The following PSMD3 variants were observed in gnomAD, a reference collection of about 807,000 sequenced individuals.
The protein encoded by PSMD3 is proteasome 26S subunit, non-ATPase 3.
A neutral mutation model predicts 62.8 loss-of-function variants in PSMD3; 5 were observed. The observed-to-expected ratio is 0.08, with a 90% CI of 0.04 to 0.17. The LOEUF (loss-of-function observed/expected upper bound fraction) is 0.17, where lower values mean the gene tolerates loss of function less well. Ranked by LOEUF, PSMD3 falls within the 10% of genes least tolerant of loss-of-function variation. The pLI, the probability that PSMD3 is intolerant of heterozygous loss-of-function variation, is 1.00. For synonymous variants in PSMD3, 265 were observed against 283.9 expected, an observed-to-expected ratio of 0.93 and a Z score of 0.67; for missense variants, 524 against 713.6, an observed-to-expected ratio of 0.73 and a Z score of 3.03.
At position 39,981,662 on chromosome 17, in the gene PSMD3, A is replaced by C. The variant is rs147670185; in HGVS notation, c.220+472A>C. Among the ~76,000 whole-genome samples the C allele has an allele frequency of 1.4e-3, 217 of 151,902 alleles. 6 individuals carry two copies. In the East Asian group the frequency reaches 0.036, roughly 25 times the overall value. On this transcript the variant is annotated intron_variant, in intron 1 of 11. Coordinates refer to ENST00000264639, the MANE Select transcript of PSMD3 (RefSeq NM_002809.4). ...TTGTTGTCCTAGCTGCCTTTAGCAC[A>C]CTCCCCCGAATGAACCATTTCGACC...
intron 6 of PSMD3, chr17:39,994,600 C>G (rs1358711949): frequency 6.5e-6 from 2 of 308,694 alleles, no homozygotes; most frequent in Non-Finnish European, 1.3e-5. Context: ...GTTCTCCAGG[C>G]CTGTGAGCCC....
At position 39,996,304 on chromosome 17, in the gene PSMD3, C is replaced by T. The variant is rs1288367345; in HGVS notation, c.1442C>T (p.Ser481Phe). Residue 481 changes from serine to phenylalanine, a missense_variant, in exon 10 of 12, where the codon TCC becomes TTC. Transcript: ENST00000264639. The surrounding 1 kb of genome is among the most constrained non-coding windows in gnomAD (Gnocchi z 5.1). The stretch of plus-strand genomic sequence containing the variant: ...CAGCTAGCCTTCCACCAGCGCATCT[C>T]CTTCTGCCTAGATATCCACAACATG... Reference protein sequence around the residue: ...EPQLAFHQRISFCLDIHNMSV... With the variant: ...EPQLAFHQRIFFCLDIHNMSV... The T allele has an allele frequency of 2.5e-6, 4 of 1,614,072 alleles. No homozygotes were observed. In the East Asian group the frequency reaches 6.7e-5, roughly 27 times the overall value.
At chr17:39,986,033 G>T (rs1980517874) in intron 2 of PSMD3, among the ~76,000 whole-genome samples, 2 of 152,144 alleles carry the variant, frequency 1.3e-5, no homozygotes, top group African/African-American at 4.8e-5. Context: ...GTTGTGTAAA[G>T]AAATTTTTTG....
At chr17:39,985,774 CATT>C (rs1261664389) in intron 2 of PSMD3, among the ~76,000 whole-genome samples, 7 of 152,232 alleles carry the variant, frequency 4.6e-5, no homozygotes, top group African/African-American at 1.7e-4. Context: ...GACTGTAACA[CATT>C]ATTTTTTCCA....
At chr17:39,985,238 CAAAAA>C (rs1336419665) in intron 2 of PSMD3, among the ~76,000 whole-genome samples, 1 of 151,802 alleles carries the variant, frequency 6.6e-6, no homozygotes, top group Non-Finnish European at 1.5e-5. Context: ...CAAAACAAAA[CAAAAA>C]AAACCCCACA....
intron 6 of PSMD3, chr17:39,993,623 A>G (rs1458647752): frequency 1.3e-5 from 2 of 152,152 alleles, no homozygotes; most frequent in African/African-American, 2.4e-5. Context: ...GTTCCTTCAT[A>G]TTGCCAGTGC....
intron 2 of PSMD3, 68 bp from the exon 3 acceptor site, chr17:39,986,507 A>T (rs1980527664): frequency 1.9e-6 from 3 of 1,563,152 alleles, no homozygotes; most frequent in Non-Finnish European, 2.6e-6. Context: ...TACATAGTGG[A>T]TGCTCAATAA....
At chr17:39,985,910 C>T (rs577287183) in intron 2 of PSMD3, among the ~76,000 whole-genome samples, 21 of 152,280 alleles carry the variant, frequency 1.4e-4, no homozygotes, top group African/African-American at 3.9e-4. Context: ...AGAATTATTT[C>T]GTTCAGCCCT....
chr17:39,982,204 T>C (rs993716950), intron 1 of PSMD3, among the ~76,000 whole-genome samples: 4 of 152,216 alleles, frequency 2.6e-5, no homozygotes, highest in Non-Finnish European at 5.9e-5. Flanking sequence ...AGCAACAGGA[T>C]CGATATTTAA....
chr17:39,991,328 G>C (rs1039968820), intron 6 of PSMD3, among the ~76,000 whole-genome samples: 1 of 152,000 alleles, frequency 6.6e-6, no homozygotes, highest in African/African-American at 2.4e-5. Flanking sequence ...CTAATTTTTT[G>C]TATTTTTAGT....
Position 39,996,106 on chromosome 17 carries a change from G to C in PSMD3, c.1321-77G>C. The C allele has an allele frequency of 6.4e-7, 1 of 1,557,612 alleles. No individual in the cohort carries two copies. Among genetic ancestry groups the C allele is most frequent in the South Asian group, 1.1e-5 (1 of 89,398 alleles). On this transcript the variant is annotated intron_variant, in intron 9 of 11. Coordinates refer to ENST00000264639, the MANE Select transcript of PSMD3 (RefSeq NM_002809.4). The surrounding 1 kb of genome is among the most constrained non-coding windows in gnomAD (Gnocchi z 5.1). The stretch of plus-strand genomic sequence containing the variant: ...CGCACTCTCCTGCCTGGGTGACAGA[G>C]CGAGACTCCATCTCAAAAAAAAAAA...
At chr17:39,984,266 C>A in intron 1 of PSMD3, 28 bp from the exon 2 acceptor site, 1 of 1,530,498 alleles carries the variant, frequency 6.5e-7, no homozygotes, top group Non-Finnish European at 8.9e-7. Flanking sequence ...GTGAAAGTGA[C>A]ATCATTTTCT....
Position 39,997,700 on chromosome 17 carries a change from G to A in PSMD3, c.*119G>A, listed in dbSNP as rs1169121006. ...ACAGCTCATATGCTGCATTCGTGCA[G>A]GGGGTGGGGGTGCTGGGAGCCAGCC... is the stretch of plus-strand genomic sequence containing the variant. On this transcript the variant is annotated 3_prime_UTR_variant, in exon 12 of 12. Coordinates refer to ENST00000264639, the MANE Select transcript of PSMD3 (RefSeq NM_002809.4). 1 of 1,205,920 alleles carries A rather than the reference G, an allele frequency of 8.3e-7. No individual in the cohort carries two copies. Among genetic ancestry groups the A allele is most frequent in the Middle Eastern group, 2.7e-4 (1 of 3,664 alleles). 74.7% of individuals were successfully genotyped at this position (1,205,920 alleles called of 1,614,324 possible).
Position 39,996,074 on chromosome 17 carries a change from G to A in PSMD3, c.1321-109G>A, listed in dbSNP as rs1980775582. The A allele has an allele frequency of 5.9e-6, 8 of 1,353,356 alleles. No individual in the cohort carries two copies. The Admixed American group carries it at 1.1e-4, about 18-fold the overall frequency. 83.8% of individuals were successfully genotyped at this position (1,353,356 alleles called of 1,614,324 possible). A position where few individuals can be genotyped will look rare whatever the true frequency, so the allele number is the denominator to read the frequency against. Reference sequence around the variant, plus strand: ...GTAAAGGTTGCAGTGAGCTGAGATCGCACCACCGCACTCTCCTGCCTGGGT... The same window carrying A: ...GTAAAGGTTGCAGTGAGCTGAGATCACACCACCGCACTCTCCTGCCTGGGT... On this transcript the variant is annotated intron_variant, in intron 9 of 11. Transcript: ENST00000264639. This position sits in a 1 kb window ranked among gnomAD's most constrained non-coding sequence, Gnocchi z 5.1.
chr17:39,994,846 C>A, intron 6 of PSMD3, 108 bp from the exon 7 acceptor site: 1 of 912,546 alleles, frequency 1.1e-6, no homozygotes, highest in Non-Finnish European at 1.7e-6. Context: ...AAACAGTGAT[C>A]CCTTTCCCTG....
chr17:39,996,413 G>A lies in PSMD3; in HGVS notation c.1476+75G>A. On this transcript the variant is annotated intron_variant, in intron 10 of 11. Transcript: ENST00000264639. This position sits in a 1 kb window ranked among gnomAD's most constrained non-coding sequence, Gnocchi z 5.1. The stretch of plus-strand genomic sequence containing the variant: ...CCTCCACACTCATGGATTCCTCAGA[G>A]AAGACTGGCTTAATTTGTGGCCCAC... The A allele has an allele frequency of 6.5e-7, 1 of 1,539,942 alleles. No individual in the cohort carries two copies. The highest frequency in any genetic ancestry group is 8.8e-7 in the Non-Finnish European group (1 of 1,132,326).
At chr17:39,981,270 A>G in intron 1 of PSMD3, 80 bp downstream of exon 1, 1 of 1,536,228 alleles carries the variant, frequency 6.5e-7, no homozygotes, top group Non-Finnish European at 8.7e-7. Context: ...CTGGGAAGCC[A>G]CAGCAGCCTC....
intron 1 of PSMD3, among the ~76,000 whole-genome samples, chr17:39,983,785 T>C (rs1028183822): frequency 2.0e-5 from 3 of 152,214 alleles, no homozygotes; most frequent in Non-Finnish European, 2.9e-5. Flanking sequence ...CCCCACTGTA[T>C]GTTTTTCTTG....
In PSMD3 at chr17:39,996,163, T is replaced by G. The variant is rs749901414; in HGVS notation, c.1321-20T>G. 6.8e-6 allele frequency: 11 copies of G among 1,612,494 alleles called. No individual in the cohort carries two copies. The highest frequency in any genetic ancestry group is 9.3e-6 in the Non-Finnish European group (11 of 1,179,756). On this transcript the variant is annotated intron_variant, in intron 9 of 11. Transcript: ENST00000264639. The surrounding 1 kb of genome is among the most constrained non-coding windows in gnomAD (Gnocchi z 5.1). The stretch of plus-strand genomic sequence containing the variant: ...AGAAGCTGGGTGTGCTGGTGAACTT[T>G]CCTCTTTGGGGGCCTGCAGGCCATC...
Sources: gnomAD v4.1 joint callset for allele counts (sites outside exome capture counted in the v4.1 genomes callset) on GRCh38, gnomAD v4.1.1 for gene constraint, Gnocchi (gnomAD v3.1) non-coding constraint, MANE v1.5 for transcripts, NCBI Gene and HGNC (gene_info 2026-07-23, HGNC 2026-07-21) for gene names.